The following SLIT3 variants were observed in gnomAD, a reference collection of about 807,000 sequenced individuals.
The protein encoded by SLIT3 is slit homolog 3 protein.
Under a neutral mutation model 184.0 loss-of-function variants are expected in SLIT3, and 68 were observed. The observed-to-expected ratio is 0.37, with a 90% confidence interval of 0.30 to 0.45. The LOEUF (loss-of-function observed/expected upper bound fraction) is 0.45, where lower values mean the gene tolerates loss of function less well. Ranked by LOEUF, SLIT3 falls within the 20% of genes least tolerant of loss-of-function variation. The probability of loss-of-function intolerance (pLI) is 1.00; values close to 1 mark genes in which losing one functional copy is unlikely to be tolerated. For synonymous variants in SLIT3, 831 were observed against 828.6 expected, an observed-to-expected ratio of 1.00 and a Z score of -0.05; for missense variants, 1,707 against 2,026.0, an observed-to-expected ratio of 0.84 and a Z score of 3.02.
At position 169,223,095 on chromosome 5, in the gene SLIT3, C is replaced by T. The variant is rs1365926860; in HGVS notation, c.341+21610G>A. On this transcript the variant is annotated intron_variant, in intron 3 of 35. Transcript: ENST00000519560. ...GTAAATTCAGTCCGGATTTTTTTTT[C>T]CTGTGCTTTTCCCACAGCTGAAACA... Among the ~76,000 whole-genome samples the T allele has an allele frequency of 6.6e-5, 10 of 151,760 alleles. No individual in the cohort carries two copies. The East Asian group carries it at 1.7e-3, about 26-fold the overall frequency.
intron 4 of SLIT3, chr5:168,995,531 G>A (rs543576767): frequency 6.6e-6 from 1 of 152,298 alleles, no homozygotes; most frequent in African/African-American, 2.4e-5. Flanking sequence ...TTTTAATTGT[G>A]TTCGTTGGTA....
intron 5 of SLIT3, among the ~76,000 whole-genome samples, chr5:168,866,134 C>T (rs1315046251): frequency 6.6e-6 from 1 of 152,156 alleles, no homozygotes; most frequent in Non-Finnish European, 1.5e-5. Context: ...AGATGGCAGC[C>T]AGCTCGCAGC....
Position 168,671,994 on chromosome 5 carries a change from G to T in SLIT3, c.3842-511C>A, listed in dbSNP as rs17070389. 2.0e-5 allele frequency among the ~76,000 whole-genome samples: 3 copies of T among 152,216 alleles called. No homozygotes were observed. The East Asian group carries it at 5.8e-4, about 29-fold the overall frequency. On this transcript the variant is annotated intron_variant, in intron 33 of 35. Transcript: ENST00000519560. ...TTTGGGGTTCAGGGTTTTTAGACCA[G>T]TTTGCTGCCTTATGTGCGGTGTACC...
Position 168,683,834 on chromosome 5 carries a change from C to T in SLIT3, c.3686+132G>A, listed in dbSNP as rs574412793. ...TCGGTGAGGAGGAAGTGTGTGTGTG[C>T]GCACATGTGCGTGGTAGGGGCGGGG... On this transcript the variant is annotated intron_variant, in intron 32 of 35. Coordinates refer to ENST00000519560, the MANE Select transcript of SLIT3 (RefSeq NM_003062.4). 59 of 783,082 alleles carry T rather than the reference C, an allele frequency of 7.5e-5. No individual in the cohort carries two copies. In the South Asian group the frequency reaches 8.2e-4, roughly 11 times the overall value. 48.5% of individuals were successfully genotyped at this position (783,082 alleles called of 1,614,324 possible).
At chr5:169,290,884 A>T (rs114731073) in intron 1 of SLIT3, among the ~76,000 whole-genome samples, 1,873 of 152,188 alleles carry the variant, frequency 0.012, 34 homozygotes, top group African/African-American at 0.043. Context: ...ACACTAGGGA[A>T]TACACTAGGG....
intron 15 of SLIT3, 100 bp from the exon 16 acceptor site, chr5:168,761,036 G>T (rs1755128911): frequency 1.1e-6 from 1 of 884,004 alleles, no homozygotes; most frequent in Non-Finnish European, 1.9e-6. Flanking sequence ...CTCACACTCG[G>T]TGAAGGACCA....
At chr5:168,709,770 GA>G (rs1164961351) in intron 25 of SLIT3, among the ~76,000 whole-genome samples, 12 of 151,224 alleles carry the variant, frequency 7.9e-5, no homozygotes, top group Non-Finnish European at 5.9e-5. Flanking sequence ...GTATACAAAT[GA>G]AAAGTACGTT....
chr5:168,915,615 T>A (rs908455437), intron 4 of SLIT3, among the ~76,000 whole-genome samples: 6 of 152,326 alleles, frequency 3.9e-5, no homozygotes, highest in African/African-American at 1.4e-4. Context: ...CAACATATAA[T>A]CTATTTAAAA....
At chr5:169,255,935 A>G (rs1335609623) in intron 1 of SLIT3, among the ~76,000 whole-genome samples, 1 of 152,168 alleles carries the variant, frequency 6.6e-6, no homozygotes, top group Non-Finnish European at 1.5e-5. Flanking sequence ...GAAGAAATGT[A>G]CAAATATTTA....
At chr5:169,181,871 A>G (rs546555954) in intron 4 of SLIT3, among the ~76,000 whole-genome samples, 6 of 152,348 alleles carry the variant, frequency 3.9e-5, no homozygotes, top group African/African-American at 1.4e-4. Flanking sequence ...TACTCTCTTG[A>G]AAATCCAGTT....
chr5:168,936,095 T>C (rs1762149613), intron 4 of SLIT3, among the ~76,000 whole-genome samples: 1 of 152,142 alleles, frequency 6.6e-6, no homozygotes, highest in African/African-American at 2.4e-5. Flanking sequence ...GTGAAATTAG[T>C]GAAAGAGAGC....
chr5:169,042,186 G>A (rs1028612379), intron 4 of SLIT3, among the ~76,000 whole-genome samples: 2 of 152,140 alleles, frequency 1.3e-5, no homozygotes, highest in Admixed American at 1.3e-4. Context: ...TCCAGACAGT[G>A]ACAAACAGAG....
chr5:168,780,259 C>G (rs1755923382), intron 12 of SLIT3, among the ~76,000 whole-genome samples: 1 of 152,242 alleles, frequency 6.6e-6, no homozygotes, highest in Non-Finnish European at 1.5e-5. Flanking sequence ...GAGAGCAAGG[C>G]CTCCTCAGAA....
intron 4 of SLIT3, among the ~76,000 whole-genome samples, chr5:168,904,678 G>A (rs771559737): frequency 1.3e-5 from 2 of 152,110 alleles, no homozygotes; most frequent in Non-Finnish European, 2.9e-5. Flanking sequence ...GAACTGCTAT[G>A]GAGATCATAC....
intron 4 of SLIT3, among the ~76,000 whole-genome samples, chr5:169,167,429 C>A (rs903886470): frequency 6.6e-5 from 10 of 150,402 alleles, no homozygotes; most frequent in African/African-American, 2.4e-4. Flanking sequence ...TGCCCACCAC[C>A]ACACCTGGCT....
chr5:169,063,504 T>G (rs935427918), intron 4 of SLIT3, among the ~76,000 whole-genome samples: 1 of 152,240 alleles, frequency 6.6e-6, no homozygotes, highest in African/African-American at 2.4e-5. Context: ...CCTGCTGCTT[T>G]CTGACCCGCC....
At chr5:169,283,648 T>A (rs1190219433) in intron 1 of SLIT3, among the ~76,000 whole-genome samples, 1 of 152,174 alleles carries the variant, frequency 6.6e-6, no homozygotes, top group Admixed American at 6.5e-5. Context: ...TGGAGGGGAC[T>A]GAGGGACTTA....
At chr5:168,773,800 G>A (rs1755648217) in intron 13 of SLIT3, among the ~76,000 whole-genome samples, 1 of 152,080 alleles carries the variant, frequency 6.6e-6, no homozygotes, top group Non-Finnish European at 1.5e-5. Flanking sequence ...TTAAGCGGGG[G>A]CAGGAGTGGG....
chr5:168,816,348 A>T lies in SLIT3; in HGVS notation c.793+952T>A, dbSNP rs756587433. Among the ~76,000 whole-genome samples the T allele has an allele frequency of 2.6e-4, 40 of 152,182 alleles. 1 individual carries two copies. The Middle Eastern group carries it at 0.01, about 39-fold the overall frequency. On this transcript the variant is annotated intron_variant, in intron 8 of 35. Transcript: ENST00000519560. ...ATTACAGGTGCCCGCCACCACGTCC[A>T]GCTAATTTTTGTATTTTTAGTAGAG...
Sources: allele counts gnomAD v4.1 joint callset (sites outside exome capture counted in the v4.1 genomes callset), GRCh38; gene constraint gnomAD v4.1.1; transcripts MANE v1.5; gene names NCBI Gene and HGNC (gene_info 2026-07-23, HGNC 2026-07-21).